The following KCNQ5 variants were observed in gnomAD, a reference collection of about 807,000 sequenced individuals.
KCNQ5 encodes potassium voltage-gated channel subfamily Q member 5.
Under a neutral mutation model 98.2 loss-of-function variants are expected in KCNQ5, and 30 were observed. The observed-to-expected ratio is 0.31, with a 90% confidence interval of 0.23 to 0.41. KCNQ5 has a LOEUF of 0.41. Ranked by LOEUF, KCNQ5 falls within the 10% of genes least tolerant of loss-of-function variation. The pLI, the probability that KCNQ5 is intolerant of heterozygous loss-of-function variation, is 1.00. For synonymous variants in KCNQ5, 458 were observed against 449.4 expected (o/e 1.02, Z -0.24); for missense variants, 835 against 1,182.5 (o/e 0.71, Z 4.31).
At chr6:72,740,188 A>G (rs1460755327) in intron 1 of KCNQ5, among the ~76,000 whole-genome samples, 1 of 152,208 alleles carries the variant, frequency 6.6e-6, no homozygotes, top group South Asian at 2.1e-4. Flanking sequence ...AACTATCTTC[A>G]GTTCAAAAAT....
At chr6:72,780,074 C>T (rs750997056) in intron 1 of KCNQ5, among the ~76,000 whole-genome samples, 5 of 152,106 alleles carry the variant, frequency 3.3e-5, no homozygotes, top group Non-Finnish European at 7.4e-5. Flanking sequence ...ACTCAACTAC[C>T]ACTATTTAGT....
chr6:73,077,288 G>A, intron 3 of KCNQ5, 34 bp from the exon 4 acceptor site: 2 of 1,594,082 alleles, frequency 1.3e-6, no homozygotes, highest in East Asian at 4.5e-5. Context: ...TCCTGGTCGT[G>A]CTAACTGTGG....
intron 9 of KCNQ5, among the ~76,000 whole-genome samples, chr6:73,130,659 A>C (rs1018016695): frequency 1.3e-5 from 2 of 152,188 alleles, no homozygotes; most frequent in East Asian, 1.9e-4. Context: ...ATTTTTAATC[A>C]ATTCAATGTG....
At chr6:72,866,346 C>T (rs1777986132) in intron 1 of KCNQ5, among the ~76,000 whole-genome samples, 1 of 148,396 alleles carries the variant, frequency 6.7e-6, no homozygotes, top group African/African-American at 2.5e-5. Context: ...CCTCAACCTC[C>T]CAGGCTCAGG....
At chr6:73,052,170 TCA>T (rs1772274142) in intron 3 of KCNQ5, among the ~76,000 whole-genome samples, 1 of 151,916 alleles carries the variant, frequency 6.6e-6, no homozygotes, top group Non-Finnish European at 1.5e-5. Context: ...CTGAAATAAC[TCA>T]GTCAGACAAA....
chr6:73,034,566 A>G (rs530761626), intron 2 of KCNQ5, among the ~76,000 whole-genome samples: 24 of 152,376 alleles, frequency 1.6e-4, no homozygotes, highest in Admixed American at 4.6e-4. Context: ...AACAACTGGT[A>G]CATGAGCTTT....
At chr6:73,186,824 G>A (rs1012048908) in intron 11 of KCNQ5, among the ~76,000 whole-genome samples, 1 of 151,550 alleles carries the variant, frequency 6.6e-6, no homozygotes, top group Non-Finnish European at 1.5e-5. Flanking sequence ...TAAGTTCTAG[G>A]GTACATGTGC....
intron 1 of KCNQ5, among the ~76,000 whole-genome samples, chr6:72,924,561 T>C (rs1780540268): frequency 6.6e-6 from 1 of 152,132 alleles, no homozygotes; most frequent in Non-Finnish European, 1.5e-5. Context: ...TGTGATTAGC[T>C]CAATGTGCTA....
At chr6:72,824,258 T>C (rs1459822079) in intron 1 of KCNQ5, among the ~76,000 whole-genome samples, 1 of 152,182 alleles carries the variant, frequency 6.6e-6, no homozygotes, top group Non-Finnish European at 1.5e-5. Context: ...TCTTCAGTTT[T>C]ACCAGTTCTT....
intron 1 of KCNQ5, among the ~76,000 whole-genome samples, chr6:72,897,820 T>C (rs1242668836): frequency 2.6e-5 from 4 of 152,034 alleles, no homozygotes; most frequent in Non-Finnish European, 5.9e-5. Context: ...AAGGGAAATA[T>C]TTCTGAAACT....
rs1487549250 is a variant in KCNQ5, at chr6:73,029,545, T to C, written c.490-12391T>C. Among the ~76,000 whole-genome samples the C allele has an allele frequency of 2.0e-5, 3 of 151,870 alleles. No individual in the cohort carries two copies. The East Asian group carries it at 5.8e-4, about 30-fold the overall frequency. ...AGAAACATATTGATTCTTAATCTAT[T>C]GTTTAATGGTTCAATTGAACAACAA... On this transcript the variant is annotated intron_variant, in intron 2 of 13. Transcript: ENST00000370398.
intron 1 of KCNQ5, among the ~76,000 whole-genome samples, chr6:72,871,916 G>C (rs1313993347): frequency 6.6e-6 from 1 of 152,090 alleles, no homozygotes; most frequent in Non-Finnish European, 1.5e-5. Flanking sequence ...GTTCTAACTG[G>C]GAGAAATGGA....
At chr6:72,810,221 A>G (rs1380874227) in intron 1 of KCNQ5, among the ~76,000 whole-genome samples, 1 of 152,202 alleles carries the variant, frequency 6.6e-6, no homozygotes, top group Non-Finnish European at 1.5e-5. Flanking sequence ...TTCCTCAGGA[A>G]AATATGTTGG....
intron 2 of KCNQ5, among the ~76,000 whole-genome samples, chr6:73,025,657 A>AAAAAAAAAAAT (rs1770847690): frequency 6.8e-5 from 2 of 29,324 alleles, no homozygotes; most frequent in African/African-American, 9.9e-5. Flanking sequence ...AAAAAAAAAA[A>AAAAAAAAAAAT]AATTCAAGTG....
intron 1 of KCNQ5, among the ~76,000 whole-genome samples, chr6:72,692,949 A>C (rs1276154791): frequency 6.6e-6 from 1 of 152,208 alleles, no homozygotes; most frequent in African/African-American, 2.4e-5. Flanking sequence ...TTTTTCAAAA[A>C]GGAATGAGGA....
chr6:72,956,979 G>A (rs1767110232), intron 1 of KCNQ5, among the ~76,000 whole-genome samples: 2 of 152,100 alleles, frequency 1.3e-5, no homozygotes, highest in African/African-American at 4.8e-5. Flanking sequence ...GATGTTTAGA[G>A]CACTAGGTGT....
intron 12 of KCNQ5, among the ~76,000 whole-genome samples, chr6:73,191,813 C>A (rs531657816): frequency 2.0e-5 from 3 of 152,148 alleles, no homozygotes; most frequent in South Asian, 4.1e-4. Context: ...GTGAGTACTG[C>A]CTATGTTTCT....
chr6:73,193,459 C>T (rs1234605136), intron 13 of KCNQ5, among the ~76,000 whole-genome samples: 1 of 56,224 alleles, frequency 1.8e-5, no homozygotes, highest in Non-Finnish European at 3.7e-5. Flanking sequence ...AACCCTGTCT[C>T]TACTAAAAAT....
chr6:72,829,244 A>T (rs1305357303), intron 1 of KCNQ5, among the ~76,000 whole-genome samples: 1 of 152,146 alleles, frequency 6.6e-6, no homozygotes, highest in Non-Finnish European at 1.5e-5. Context: ...GGTAGTGCTC[A>T]TTTCTGTATG....
Sources: allele counts gnomAD v4.1 joint callset (sites outside exome capture counted in the v4.1 genomes callset), GRCh38; gene constraint gnomAD v4.1.1; transcripts MANE v1.5; gene names NCBI Gene and HGNC (gene_info 2026-07-23, HGNC 2026-07-21).